Variants in DLGAP1 observed in about 807,000 individuals in gnomAD.
DLGAP1 encodes DLG associated protein 1, also known as disks large-associated protein 1.
A neutral mutation model predicts 90.8 loss-of-function variants in DLGAP1; 11 were observed. That is an observed-to-expected ratio of 0.12 (90% CI 0.08 to 0.20). The LOEUF is 0.20. Ranked by LOEUF, DLGAP1 falls within the 10% of genes least tolerant of loss-of-function variation. DLGAP1 has a pLI of 1.00. For missense variants in DLGAP1, 1,050 were observed against 1,333.8 expected (o/e 0.79, Z 3.31); for synonymous variants, 558 against 540.7 (o/e 1.03, Z -0.44).
intron 1 of DLGAP1, among the ~76,000 whole-genome samples, chr18:4,258,129 T>C (rs748322745): frequency 6.6e-6 from 1 of 151,856 alleles, no homozygotes; most frequent in Non-Finnish European, 1.5e-5. Context: ...TCACAGCTCC[T>C]GGACTCAAGT....
intron 4 of DLGAP1, among the ~76,000 whole-genome samples, chr18:3,826,771 A>G (rs2067738595): frequency 6.6e-6 from 1 of 152,178 alleles, no homozygotes; most frequent in Non-Finnish European, 1.5e-5. Context: ...CTAGTTCAAG[A>G]GAATCACGCA....
At position 3,577,295 on chromosome 18, in the gene DLGAP1, T is replaced by G. The variant is rs529316988; in HGVS notation, c.1965+4580A>C. 3.3e-5 allele frequency among the ~76,000 whole-genome samples: 5 copies of G among 152,332 alleles called. No individual in the cohort carries two copies. The East Asian group carries it at 9.6e-4, about 29-fold the overall frequency. On this transcript the variant is annotated intron_variant, in intron 8 of 12. Coordinates refer to ENST00000315677, the MANE Select transcript of DLGAP1 (RefSeq NM_004746.4). ...TTCTTCTGAGCTCCTAAACTTCTGG[T>G]AACCCCACCTTTTCCTTCTTGTTCC...
intron 9 of DLGAP1, among the ~76,000 whole-genome samples, chr18:3,554,040 G>T (rs2053618882): frequency 6.6e-6 from 1 of 152,104 alleles, no homozygotes; most frequent in Admixed American, 6.6e-5. Flanking sequence ...TGTTAAAATA[G>T]AATTGTTATT....
In DLGAP1 at chr18:4,440,770, T is replaced by C. The variant is rs573344658; in HGVS notation, c.-267+14236A>G. Among the ~76,000 whole-genome samples the C allele has an allele frequency of 2.3e-4, 35 of 152,356 alleles. 1 individual carries two copies. In the South Asian group the frequency reaches 2.5e-3, roughly 11 times the overall value. ...TCATTTCAGCTTTTGTTAATTTACA[T>C]GAACCAAATATCCTCAACCAATATT... is the stretch of plus-strand genomic sequence containing the variant. On this transcript the variant is annotated intron_variant, in intron 1 of 12. Coordinates refer to ENST00000315677, the MANE Select transcript of DLGAP1 (RefSeq NM_004746.4).
intron 3 of DLGAP1, among the ~76,000 whole-genome samples, chr18:3,920,352 C>CAAAAAAAA (rs34353326): frequency 2.6e-5 from 2 of 75,534 alleles, no homozygotes; most frequent in Non-Finnish European, 2.4e-5. Flanking sequence ...AGACTCTGTC[C>CAAAAAAAA]AAAAAAAAAA....
At chr18:4,389,658 T>C (rs541168030) in intron 1 of DLGAP1, among the ~76,000 whole-genome samples, 21 of 152,332 alleles carry the variant, frequency 1.4e-4, no homozygotes, top group African/African-American at 4.8e-4. Context: ...CCAAAATTAC[T>C]ACAATGGGAT....
chr18:3,692,013 C>T (rs1027302263), intron 7 of DLGAP1, among the ~76,000 whole-genome samples: 14 of 152,262 alleles, frequency 9.2e-5, no homozygotes, highest in African/African-American at 2.4e-4. Flanking sequence ...CTTGAATCCA[C>T]GTAATGGTGG....
intron 1 of DLGAP1, among the ~76,000 whole-genome samples, chr18:4,410,792 A>G (rs2082760676): frequency 6.6e-6 from 1 of 152,222 alleles, no homozygotes; most frequent in South Asian, 2.1e-4. Flanking sequence ...AACTATTGCT[A>G]TGCACGACAA....
chr18:3,942,878 G>C (rs1022250335), intron 3 of DLGAP1, among the ~76,000 whole-genome samples: 1 of 152,134 alleles, frequency 6.6e-6, no homozygotes, highest in Non-Finnish European at 1.5e-5. Context: ...GTTTGGGTAC[G>C]GGAGTAACGA....
At chr18:3,675,067 A>C (rs1180844541) in intron 7 of DLGAP1, among the ~76,000 whole-genome samples, 2 of 152,166 alleles carry the variant, frequency 1.3e-5, no homozygotes, top group Non-Finnish European at 2.9e-5. Context: ...AGTACCACGC[A>C]GTGGGTTAGC....
At chr18:3,885,245 G>A (rs898519499) in intron 3 of DLGAP1, 1 of 151,952 alleles carries the variant, frequency 6.6e-6, no homozygotes, top group African/African-American at 2.4e-5. Context: ...CCTAATTAAT[G>A]TTTATAAGTT....
chr18:3,739,557 A>G (rs2062811154), intron 6 of DLGAP1, among the ~76,000 whole-genome samples: 1 of 144,848 alleles, frequency 6.9e-6, no homozygotes, highest in South Asian at 2.2e-4. Context: ...ATTCTCACTC[A>G]TAGGTGGGAA....
At chr18:3,536,163 T>TTTCTTTCTTTCTTTCCTTCCTTCCTTCC (rs2052363017) in intron 9 of DLGAP1, among the ~76,000 whole-genome samples, 1 of 151,518 alleles carries the variant, frequency 6.6e-6, no homozygotes, top group Non-Finnish European at 1.5e-5. Flanking sequence ...CTGAAGTAAG[T>TTTCTTTCTTTCTTTCCTTCCTTCCTTCC]TTCTTTCTTT....
intron 5 of DLGAP1, among the ~76,000 whole-genome samples, chr18:3,753,477 C>T (rs942439427): frequency 2.6e-5 from 4 of 152,180 alleles, no homozygotes; most frequent in African/African-American, 4.8e-5. Flanking sequence ...GCCCTATCCC[C>T]AGGCTGTTAT....
intron 1 of DLGAP1, among the ~76,000 whole-genome samples, chr18:4,183,527 C>G (rs569728123): frequency 1.3e-5 from 2 of 152,200 alleles, no homozygotes; most frequent in South Asian, 4.1e-4. Context: ...ACCTTTTGCA[C>G]TATAATTTAA....
chr18:4,155,772 G>T (rs1017525422), intron 1 of DLGAP1, among the ~76,000 whole-genome samples: 1 of 152,110 alleles, frequency 6.6e-6, no homozygotes, highest in Non-Finnish European at 1.5e-5. Flanking sequence ...ATGGCTCATG[G>T]CTTTTCAGCT....
intron 2 of DLGAP1, among the ~76,000 whole-genome samples, chr18:4,095,406 C>G (rs2075660673): frequency 6.6e-6 from 1 of 152,122 alleles, no homozygotes; most frequent in South Asian, 2.1e-4. Flanking sequence ...CATGAGACGT[C>G]TGGGTGAACA....
intron 2 of DLGAP1, among the ~76,000 whole-genome samples, chr18:4,099,782 CA>C (rs1050708042): frequency 6.6e-6 from 1 of 151,580 alleles, no homozygotes; most frequent in African/African-American, 2.4e-5. Context: ...TGGCTCACTG[CA>C]GCCTTGAATT....
Position 4,091,060 on chromosome 18 carries a change from G to C in DLGAP1, c.-159+60120C>G, listed in dbSNP as rs553041004. Among the ~76,000 whole-genome samples the C allele has an allele frequency of 3.9e-5, 6 of 152,326 alleles. No homozygotes were observed. The East Asian group carries it at 1.2e-3, about 29-fold the overall frequency. ...TGAACAATGAGAACACATGGACACA[G>C]GGAGGGGAACAACATATACTGGGGC... On this transcript the variant is annotated intron_variant, in intron 2 of 12. Coordinates refer to ENST00000315677, the MANE Select transcript of DLGAP1 (RefSeq NM_004746.4).
Sources: gnomAD v4.1 joint callset for allele counts (sites outside exome capture counted in the v4.1 genomes callset) on GRCh38, gnomAD v4.1.1 for gene constraint, MANE v1.5 for transcripts, NCBI Gene and HGNC (gene_info 2026-07-23, HGNC 2026-07-21) for gene names.